The following CHODL variants were observed in gnomAD, a reference collection of about 807,000 sequenced individuals.
CHODL encodes the protein transmembrane protein MT75.
CHODL carries 29 observed loss-of-function variants against 34.5 expected under a neutral mutation model. The ratio of observed to expected loss-of-function variants is 0.84; its 90% CI spans 0.63 to 1.15. The LOEUF (loss-of-function observed/expected upper bound fraction) is 1.15, where lower values mean the gene tolerates loss of function less well. Among genes scored for constraint, CHODL ranks in the 50% most tolerant of loss-of-function variants. The probability of loss-of-function intolerance (pLI) is 0.00; values close to 1 mark genes in which losing one functional copy is unlikely to be tolerated. For missense variants in CHODL, 332 were observed against 332.5 expected (o/e 1.00, Z 0.01); for synonymous variants, 125 against 116.1 (o/e 1.08, Z -0.49).
chr21:18,119,701 T>G (rs980391126), intron 2 of CHODL, among the ~76,000 whole-genome samples: 2 of 152,106 alleles, frequency 1.3e-5, no homozygotes, highest in Non-Finnish European at 2.9e-5. Context: ...ATGGAGATTA[T>G]ATAATAGCAG....
intron 1 of CHODL, among the ~76,000 whole-genome samples, chr21:17,987,470 C>A (rs529150025): frequency 6.6e-6 from 1 of 152,246 alleles, no homozygotes; most frequent in African/African-American, 2.4e-5. Context: ...TAAAAAGAAT[C>A]ACTTTCAAAC....
chr21:18,248,525 T>G (rs1050400984), intron 1 of CHODL, among the ~76,000 whole-genome samples: 1 of 146,384 alleles, frequency 6.8e-6, no homozygotes, highest in African/African-American at 2.6e-5. Flanking sequence ...TTTTGTTTTA[T>G]AACTCTTTCC....
In CHODL at chr21:17,977,700, C is replaced by A. The variant is rs1461878161; in HGVS notation, c.-144-50172C>A. Among the ~76,000 whole-genome samples, 5 of 146,716 alleles carry A rather than the reference C, an allele frequency of 3.4e-5. 1 individual carries two copies. The highest frequency in any genetic ancestry group is 6.8e-5 in the Admixed American group (1 of 14,632). The stretch of plus-strand genomic sequence containing the variant: ...ATAAATGGCTGAGGCAGGCGAATCC[C>A]GAGGTCAAGAGATCGAGACCATCCT... On this transcript the variant is annotated intron_variant, in intron 1 of 6. Coordinates refer to the CHODL transcript ENST00000400127.
At chr21:18,019,754 T>TA (rs1325513149) in intron 1 of CHODL, among the ~76,000 whole-genome samples, 1 of 152,218 alleles carries the variant, frequency 6.6e-6, no homozygotes, top group East Asian at 1.9e-4. Context: ...GTTCATCTCT[T>TA]ACGCACATTA....
chr21:17,923,675 C>A (rs906045765), intron 1 of CHODL, among the ~76,000 whole-genome samples: 31 of 152,220 alleles, frequency 2.0e-4, no homozygotes, highest in Admixed American at 1.1e-3. Context: ...GTTGGTCAGG[C>A]TGGTCTCAAA....
At chr21:18,222,017 C>A (rs1241917227) in intron 2 of CHODL, among the ~76,000 whole-genome samples, 1 of 152,158 alleles carries the variant, frequency 6.6e-6, no homozygotes, top group Admixed American at 6.6e-5. Context: ...TAGGGTGCAT[C>A]AGCACCAATG....
At chr21:18,184,901 C>T (rs1374535051) in intron 2 of CHODL, among the ~76,000 whole-genome samples, 1 of 152,144 alleles carries the variant, frequency 6.6e-6, no homozygotes, top group Non-Finnish European at 1.5e-5. Context: ...AACTTTCAAA[C>T]CTTTTTTATC....
chr21:17,973,682 C>A (rs541780439), intron 1 of CHODL, among the ~76,000 whole-genome samples: 4 of 151,554 alleles, frequency 2.6e-5, no homozygotes, highest in African/African-American at 9.7e-5. Context: ...AGCCTCCCAG[C>A]GTGCTGGGAT....
At chr21:18,217,089 G>C (rs1367627105) in intron 2 of CHODL, among the ~76,000 whole-genome samples, 1 of 152,092 alleles carries the variant, frequency 6.6e-6, no homozygotes, top group East Asian at 1.9e-4. Context: ...CTTGGCTTTT[G>C]TTAACAGTGC....
At chr21:18,032,652 C>T (rs554938939) in intron 2 of CHODL, among the ~76,000 whole-genome samples, 1 of 152,186 alleles carries the variant, frequency 6.6e-6, no homozygotes, top group Admixed American at 6.6e-5. Context: ...TCAATGTACC[C>T]TAACATCTGG....
At chr21:17,953,827 T>C (rs918945794) in intron 1 of CHODL, among the ~76,000 whole-genome samples, 1 of 152,002 alleles carries the variant, frequency 6.6e-6, no homozygotes, top group Non-Finnish European at 1.5e-5. Flanking sequence ...CTGACCAACA[T>C]GGTGAAACCT....
intron 1 of CHODL, among the ~76,000 whole-genome samples, chr21:17,999,912 G>A (rs1168731292): frequency 1.3e-5 from 2 of 152,124 alleles, no homozygotes; most frequent in Non-Finnish European, 2.9e-5. Flanking sequence ...CAACCTCTCT[G>A]AGCCTTTTAA....
At chr21:17,960,466 T>C (rs987583516) in intron 1 of CHODL, among the ~76,000 whole-genome samples, 1 of 152,158 alleles carries the variant, frequency 6.6e-6, no homozygotes, top group African/African-American at 2.4e-5. Flanking sequence ...GTCCCTAATT[T>C]TCAGATCCGA....
At chr21:18,151,572 G>A (rs1601075629) in intron 2 of CHODL, among the ~76,000 whole-genome samples, 2 of 152,262 alleles carry the variant, frequency 1.3e-5, no homozygotes, top group East Asian at 1.9e-4. Context: ...TCCAAAAAAC[G>A]GGTCATGAGA....
chr21:18,135,072 C>T (rs1568903904), intron 2 of CHODL, among the ~76,000 whole-genome samples: 2 of 152,178 alleles, frequency 1.3e-5, no homozygotes, highest in African/African-American at 4.8e-5. Context: ...GCCATGTTTG[C>T]ATTATAAGAA....
rs369505130 is a variant in CHODL, at chr21:17,971,100, G to A, written c.-145+53700G>A. Reference sequence around the variant, plus strand: ...ATGGCTACATAGTATTCCATGATGTGTATGTGTCACATTTTCTTTATCCAG... The same window carrying A: ...ATGGCTACATAGTATTCCATGATGTATATGTGTCACATTTTCTTTATCCAG... On this transcript the variant is annotated intron_variant, in intron 1 of 6. Transcript: ENST00000400127. Among the ~76,000 whole-genome samples, 27 of 152,208 alleles carry A rather than the reference G, an allele frequency of 1.8e-4. 1 individual carries two copies. Among genetic ancestry groups the A allele is most frequent in the African/African-American group, 5.1e-4 (21 of 41,556 alleles).
chr21:18,197,140 C>T (rs562389651), intron 2 of CHODL, among the ~76,000 whole-genome samples: 1 of 151,878 alleles, frequency 6.6e-6, no homozygotes, highest in South Asian at 2.1e-4. Flanking sequence ...AATTGCACCT[C>T]AATAAAGGTG....
At chr21:18,176,509 CA>C (rs1568924147) in intron 2 of CHODL, among the ~76,000 whole-genome samples, 1 of 152,116 alleles carries the variant, frequency 6.6e-6, no homozygotes, top group Non-Finnish European at 1.5e-5. Flanking sequence ...ATATGCATAA[CA>C]AAATGTACCA....
intron 2 of CHODL, among the ~76,000 whole-genome samples, chr21:18,145,480 A>G (rs995602556): frequency 6.6e-6 from 1 of 151,082 alleles, no homozygotes; most frequent in Non-Finnish European, 1.5e-5. Flanking sequence ...ATGATATTGA[A>G]TTCATCTTTA....
Sources: gnomAD v4.1 joint callset for allele counts (sites outside exome capture counted in the v4.1 genomes callset) on GRCh38, gnomAD v4.1.1 for gene constraint, MANE v1.5 for transcripts, NCBI Gene and HGNC (gene_info 2026-07-23, HGNC 2026-07-21) for gene names.